AGBL2: variants seen among roughly 807,000 people sequenced by gnomAD.
AGBL2 encodes cytosolic carboxypeptidase 2.
AGBL2 carries 87 observed loss-of-function variants against 103.0 expected under a neutral mutation model. That is an observed-to-expected ratio of 0.84 (90% CI 0.71 to 1.01). AGBL2 has a LOEUF of 1.01. AGBL2 is among the 50% of genes least tolerant of loss of function. AGBL2 has a pLI of 0.00. For missense variants in AGBL2, 904 were observed against 1,023.5 expected (o/e 0.88, Z 1.59); for synonymous variants, 335 against 356.7 (o/e 0.94, Z 0.69).
intron 10 of AGBL2, among the ~76,000 whole-genome samples, chr11:47,688,446 C>T (rs747356444): frequency 1.3e-5 from 2 of 152,126 alleles, no homozygotes; most frequent in Non-Finnish European, 2.9e-5. Context: ...TCCTGACTTT[C>T]GAGGGCCAGT....
At chr11:47,714,478 A>G (rs2097544454) in intron 2 of AGBL2, 131 bp from the exon 3 acceptor site, 8 of 1,300,910 alleles carry the variant, frequency 6.1e-6, no homozygotes, top group East Asian at 4.6e-5. Flanking sequence ...GAATTATTCT[A>G]TCGTGGGGAT....
chr11:47,682,580 T>C (rs1232919375), intron 11 of AGBL2, among the ~76,000 whole-genome samples: 1 of 152,106 alleles, frequency 6.6e-6, no homozygotes, highest in Non-Finnish European at 1.5e-5. Context: ...TCTAGTTGTG[T>C]TTATCTTCTG....
intron 7 of AGBL2, among the ~76,000 whole-genome samples, chr11:47,700,360 C>T (rs928278202): frequency 3.3e-5 from 5 of 151,710 alleles, no homozygotes. Context: ...GGGTAGATTA[C>T]CTGAGGTCGG....
rs553394668 is a variant in AGBL2 at position 47,662,873 on chromosome 11, G to A, written c.2535+153C>T. On this transcript the variant is annotated intron_variant, in intron 18 of 18. Transcript: ENST00000525123. ...TCAGTGGTAACTGTAGCCTGAGGGT[G>A]CAAAATGCCTTAGATGTTCACCTGC... is the stretch of plus-strand genomic sequence containing the variant. Among the ~76,000 whole-genome samples the A allele has an allele frequency of 7.9e-5, 12 of 152,294 alleles. 1 individual carries two copies. In the South Asian group the frequency reaches 2.1e-3, roughly 26 times the overall value.
chr11:47,692,569 G>T (rs1296045903), intron 8 of AGBL2, among the ~76,000 whole-genome samples: 2 of 151,054 alleles, frequency 1.3e-5, no homozygotes, highest in African/African-American at 2.4e-5. Flanking sequence ...CCACCACCAC[G>T]CCTGGCTAAT....
intron 7 of AGBL2, among the ~76,000 whole-genome samples, chr11:47,701,306 T>TA (rs995299795): frequency 1.1e-4 from 17 of 149,798 alleles, no homozygotes; most frequent in African/African-American, 3.9e-4. Context: ...CCGTCTCTAC[T>TA]AAAAAAAGTA....
In AGBL2 at chr11:47,675,695, T is replaced by C. The variant is rs141279659; in HGVS notation, c.2147+1576A>G. On this transcript the variant is annotated intron_variant, in intron 14 of 18. Transcript: ENST00000525123. ...TGAGCCACTTCATCCAGTCCCCATC[T>C]AGTGTTAAGGTTTAAATATTATCTA... Among the ~76,000 whole-genome samples, 1,482 of 152,174 alleles carry C rather than the reference T, an allele frequency of 9.7e-3. 11 individuals carry two copies. The highest frequency in any genetic ancestry group is 0.034 in the Middle Eastern group (10 of 292).
chr11:47,709,751 C>A (rs1331657336), intron 4 of AGBL2, among the ~76,000 whole-genome samples: 3 of 151,900 alleles, frequency 2.0e-5, no homozygotes, highest in South Asian at 4.2e-4. Flanking sequence ...CCATGCCCAG[C>A]TAATTTTTGT....
At chr11:47,667,996 G>C (rs2097346059) in intron 15 of AGBL2, among the ~76,000 whole-genome samples, 2 of 152,042 alleles carry the variant, frequency 1.3e-5, no homozygotes, top group Non-Finnish European at 2.9e-5. Flanking sequence ...ATCACTTCAG[G>C]TCAGGAGTTT....
At chr11:47,667,174 G>A in intron 16 of AGBL2, 111 bp from the exon 17 acceptor site, 1 of 739,972 alleles carries the variant, frequency 1.4e-6, no homozygotes, top group Non-Finnish European at 2.2e-6. Flanking sequence ...TTAGAAAGCA[G>A]AGGGTATGGT....
intron 15 of AGBL2, 47 bp downstream of exon 15, chr11:47,668,794 A>T: frequency 6.8e-7 from 1 of 1,460,276 alleles, no homozygotes; most frequent in Non-Finnish European, 9.6e-7. Flanking sequence ...TAGTGTCATG[A>T]CTTTTTTTTA....
At position 47,699,372 on chromosome 11, in the gene AGBL2, C is replaced by T. The variant is rs1264062448; in HGVS notation, c.694+74G>A. 8 of 882,404 alleles carry T rather than the reference C, an allele frequency of 9.1e-6. No homozygotes were observed. In the East Asian group the frequency reaches 1.7e-4, roughly 18 times the overall value. 54.7% of individuals were successfully genotyped at this position (882,404 alleles called of 1,614,324 possible). A position where few individuals can be genotyped will look rare whatever the true frequency, so the allele number is the denominator to read the frequency against. ...ACTAAACTATGGATTTTTAAAATCA[C>T]TTTTATTATGGAACATATGTTTATT... On this transcript the variant is annotated intron_variant, in intron 8 of 18. Transcript: ENST00000525123.
At chr11:47,701,485 AAAG>A (rs2097499160) in intron 7 of AGBL2, among the ~76,000 whole-genome samples, 1 of 151,488 alleles carries the variant, frequency 6.6e-6, no homozygotes, top group Admixed American at 6.6e-5. Flanking sequence ...AAAAAAAAAA[AAAG>A]ATCTTGTAGT....
intron 13 of AGBL2, among the ~76,000 whole-genome samples, chr11:47,677,663 G>A (rs2097380980): frequency 6.6e-6 from 1 of 152,084 alleles, no homozygotes; most frequent in Non-Finnish European, 1.5e-5. Context: ...ATATTGGTCA[G>A]GCTGGTTTTG....
chr11:47,714,261 A>G, intron 3 of AGBL2, 23 bp downstream of exon 3: 2 of 1,596,732 alleles, frequency 1.3e-6, no homozygotes, highest in South Asian at 1.1e-5. Flanking sequence ...GAAAGGTGAT[A>G]CTAGATAAGA....
intron 17 of AGBL2, among the ~76,000 whole-genome samples, chr11:47,663,516 G>T (rs2097333217): frequency 6.6e-6 from 1 of 151,314 alleles, no homozygotes; most frequent in Non-Finnish European, 1.5e-5. Flanking sequence ...TGCTCTGTGG[G>T]GATTCCCCAG....
chr11:47,674,220 G>A (rs2097366799), intron 14 of AGBL2, among the ~76,000 whole-genome samples: 1 of 152,132 alleles, frequency 6.6e-6, no homozygotes, highest in Non-Finnish European at 1.5e-5. Context: ...GGGTGAAGGA[G>A]GGGAGTAAGT....
intron 7 of AGBL2, among the ~76,000 whole-genome samples, chr11:47,700,214 C>A (rs1226619430): frequency 6.6e-6 from 1 of 152,118 alleles, no homozygotes; most frequent in African/African-American, 2.4e-5. Flanking sequence ...TCCTCTGCCT[C>A]CCAAACTGCT....
In AGBL2 at chr11:47,663,010, A is replaced by G. The variant is rs1328346843; in HGVS notation, c.2535+16T>C. 1 of 1,571,448 alleles carries G rather than the reference A, an allele frequency of 6.4e-7. No homozygotes were observed. The highest frequency in any genetic ancestry group is 8.7e-7 in the Non-Finnish European group (1 of 1,143,936). On this transcript the variant is annotated intron_variant, in intron 18 of 18. Coordinates refer to ENST00000525123, the MANE Select transcript of AGBL2 (RefSeq NM_024783.4). ...TCACTGGCATATAAGTATATACAGT[A>G]TATTAGGTGAAGTACCTGCATTCTC...
Sources: allele counts gnomAD v4.1 joint callset (sites outside exome capture counted in the v4.1 genomes callset), GRCh38; gene constraint gnomAD v4.1.1; transcripts MANE v1.5; gene names NCBI Gene and HGNC (gene_info 2026-07-23, HGNC 2026-07-21).